The following SPATA17 variants were observed in gnomAD, a reference collection of about 807,000 sequenced individuals.
SPATA17 encodes spermatogenesis associated 17.
Under a neutral mutation model 62.2 loss-of-function variants are expected in SPATA17, and 53 were observed. That is an observed-to-expected ratio of 0.85 (90% confidence interval 0.68 to 1.07). SPATA17 has a LOEUF of 1.07. Ranked by LOEUF, SPATA17 falls within the 50% of genes least tolerant of loss-of-function variation. The pLI is 0.00. For missense variants in SPATA17, 466 were observed against 425.5 expected, an observed-to-expected ratio of 1.10 and a Z score of -0.84; for synonymous variants, 146 against 146.8, an observed-to-expected ratio of 0.99 and a Z score of 0.04.
chr1:217,713,562 G>A (rs2102928419), intron 5 of SPATA17, among the ~76,000 whole-genome samples: 1 of 152,284 alleles, frequency 6.6e-6, no homozygotes, highest in South Asian at 2.1e-4. Context: ...CTGCCTTTGA[G>A]TGAAGGGGGA....
chr1:217,674,612 G>A (rs1476763683), intron 4 of SPATA17, among the ~76,000 whole-genome samples: 1 of 152,232 alleles, frequency 6.6e-6, no homozygotes, highest in Admixed American at 6.5e-5. Flanking sequence ...GGGGAACACG[G>A]TGGTGCCCAA....
intron 5 of SPATA17, among the ~76,000 whole-genome samples, chr1:217,727,262 T>A (rs1051117045): frequency 1.4e-5 from 2 of 147,366 alleles, no homozygotes; most frequent in South Asian, 4.2e-4. Context: ...ATAATAATAA[T>A]AATAATAATA....
chr1:217,644,857 A>C lies in SPATA17; in HGVS notation c.69-4025A>C, dbSNP rs574279392. On this transcript the variant is annotated intron_variant, in intron 1 of 10. Coordinates refer to ENST00000366933, the MANE Select transcript of SPATA17 (RefSeq NM_138796.4). ...CATTGTGATAATACTGATCATAATA[A>C]ATTTATTTCAAATTCATGTAGATGT... Among the ~76,000 whole-genome samples the C allele has an allele frequency of 3.2e-4, 49 of 152,216 alleles. 1 individual carries two copies. The highest frequency in any genetic ancestry group is 9.6e-4 in the African/African-American group (40 of 41,560).
chr1:217,708,390 A>C (rs1671783265), intron 5 of SPATA17, among the ~76,000 whole-genome samples: 1 of 152,184 alleles, frequency 6.6e-6, no homozygotes, highest in Admixed American at 6.5e-5. Flanking sequence ...CTGACCCCAC[A>C]GAAATACAGA....
intron 1 of SPATA17, among the ~76,000 whole-genome samples, chr1:217,642,818 C>T (rs913337257): frequency 6.6e-6 from 1 of 152,150 alleles, no homozygotes; most frequent in African/African-American, 2.4e-5. Flanking sequence ...GTCAATTAAA[C>T]GTCCTTTATT....
chr1:217,806,937 C>T (rs529928643), intron 9 of SPATA17, among the ~76,000 whole-genome samples: 2 of 151,978 alleles, frequency 1.3e-5, no homozygotes, highest in Non-Finnish European at 2.9e-5. Flanking sequence ...ATGCAGCGCA[C>T]ATACAGCATG....
chr1:217,870,013 T>C lies in SPATA17; in HGVS notation c.*2994T>C, dbSNP rs1428778803. On this transcript the variant is annotated 3_prime_UTR_variant, in exon 11 of 11. Coordinates refer to ENST00000366933, the MANE Select transcript of SPATA17 (RefSeq NM_138796.4). ...GTTATTGTTAAAGCTGATGATTGGC[T>C]GTATGAAGATTTACTATACAATTTT... is the stretch of plus-strand genomic sequence containing the variant. 6.6e-6 allele frequency: 1 copy of C among 152,238 alleles called. No homozygotes were observed. The highest frequency in any genetic ancestry group is 1.5e-5 in the Non-Finnish European group (1 of 68,044). The allele number at this position is 152,238 out of a possible 1,614,324, so 9.4% of individuals were successfully genotyped here. A position where few individuals can be genotyped will look rare whatever the true frequency, so the allele number is the denominator to read the frequency against.
intron 3 of SPATA17, among the ~76,000 whole-genome samples, 191 bp from the exon 4 acceptor site, chr1:217,668,842 T>G (rs568629024): frequency 6.6e-6 from 1 of 152,152 alleles, no homozygotes; most frequent in African/African-American, 2.4e-5. Context: ...CTACCATAGA[T>G]TTTTACTGGT....
At chr1:217,661,812 C>G (rs977992746) in intron 3 of SPATA17, among the ~76,000 whole-genome samples, 4 of 152,094 alleles carry the variant, frequency 2.6e-5, no homozygotes, top group Non-Finnish European at 5.9e-5. Flanking sequence ...AGTGCACATG[C>G]ATTTTATGCA....
intron 9 of SPATA17, among the ~76,000 whole-genome samples, chr1:217,814,788 C>T (rs925461739): frequency 1.3e-5 from 2 of 151,996 alleles, no homozygotes; most frequent in African/African-American, 4.8e-5. Flanking sequence ...TTGGAGGCTG[C>T]AGTGAGCTAT....
intron 5 of SPATA17, among the ~76,000 whole-genome samples, chr1:217,693,276 C>T (rs1280827858): frequency 7.5e-6 from 1 of 133,150 alleles, no homozygotes; most frequent in Non-Finnish European, 1.6e-5. Context: ...AGTTTATTTG[C>T]GTAGAGGTGT....
Position 217,850,755 on chromosome 1 carries a change from T to G in SPATA17, c.1006-12019T>G, listed in dbSNP as rs548904620. The G allele has an allele frequency of 3.1e-5, 20 of 654,260 alleles. No individual in the cohort carries two copies. The African/African-American group carries it at 3.5e-4, about 11-fold the overall frequency. The allele number at this position is 654,260 out of a possible 1,614,324, so 40.5% of individuals were successfully genotyped here. A position where few individuals can be genotyped will look rare whatever the true frequency, so the allele number is the denominator to read the frequency against. ...CTCCAGAATATTTTATTCATACATA[T>G]AGTTTTTATTTTTATGTATATTTGA... On this transcript the variant is annotated intron_variant, in intron 9 of 10. Transcript: ENST00000366933.
At chr1:217,776,667 T>G (rs1344170074) in intron 7 of SPATA17, among the ~76,000 whole-genome samples, 1 of 144,648 alleles carries the variant, frequency 6.9e-6, no homozygotes, top group African/African-American at 2.6e-5. Flanking sequence ...AGCGAGAGCC[T>G]GTCTCTATTA....
intron 5 of SPATA17, among the ~76,000 whole-genome samples, chr1:217,732,326 G>A (rs1047637900): frequency 5.3e-5 from 8 of 152,126 alleles, no homozygotes; most frequent in Non-Finnish European, 1.5e-5. Flanking sequence ...CTTTATGTTA[G>A]CCTCAAGATT....
At chr1:217,759,003 G>A (rs549238605) in intron 6 of SPATA17, among the ~76,000 whole-genome samples, 8 of 152,238 alleles carry the variant, frequency 5.3e-5, no homozygotes, top group African/African-American at 1.9e-4. Context: ...TATTGGGATG[G>A]GTTGCCATCT....
chr1:217,853,862 A>T (rs1265562068), intron 9 of SPATA17, among the ~76,000 whole-genome samples: 1 of 152,166 alleles, frequency 6.6e-6, no homozygotes, highest in Non-Finnish European at 1.5e-5. Flanking sequence ...TCTACATTAC[A>T]CTTAAGGAAC....
chr1:217,842,037 A>G (rs897707036), intron 9 of SPATA17, among the ~76,000 whole-genome samples: 10 of 151,906 alleles, frequency 6.6e-5, no homozygotes, highest in African/African-American at 2.4e-4. Flanking sequence ...TTAAAATCAT[A>G]AGTAGGTATT....
At chr1:217,698,994 CTT>C (rs1297768627) in intron 5 of SPATA17, among the ~76,000 whole-genome samples, 1 of 152,128 alleles carries the variant, frequency 6.6e-6, no homozygotes, top group African/African-American at 2.4e-5. Context: ...TTATGATTGA[CTT>C]TTTTTCCACC....
chr1:217,751,395 G>T (rs1333803739), intron 6 of SPATA17, among the ~76,000 whole-genome samples: 1 of 152,052 alleles, frequency 6.6e-6, no homozygotes, highest in East Asian at 1.9e-4. Context: ...CACGATCTTT[G>T]GATCCATAGT....
Sources: gnomAD v4.1 joint callset for allele counts (sites outside exome capture counted in the v4.1 genomes callset) on GRCh38, gnomAD v4.1.1 for gene constraint, MANE v1.5 for transcripts, NCBI Gene and HGNC (gene_info 2026-07-23, HGNC 2026-07-21) for gene names.